Variants in EGFLAM observed in about 807,000 individuals in gnomAD.
The protein encoded by EGFLAM is pikachurin.
A neutral mutation model predicts 113.1 loss-of-function variants in EGFLAM; 79 were observed. That is an observed-to-expected ratio of 0.70 (90% CI 0.58 to 0.84). The LOEUF (loss-of-function observed/expected upper bound fraction) is 0.84, where lower values mean the gene tolerates loss of function less well. Ranked by LOEUF, EGFLAM falls within the 40% of genes least tolerant of loss-of-function variation. The pLI is 0.00. For missense variants in EGFLAM, 1,265 were observed against 1,291.6 expected (o/e 0.98, Z 0.32); for synonymous variants, 504 against 487.6 (o/e 1.03, Z -0.44).
chr5:38,381,457 G>C (rs1332216159), intron 6 of EGFLAM, among the ~76,000 whole-genome samples: 1 of 152,170 alleles, frequency 6.6e-6, no homozygotes, highest in African/African-American at 2.4e-5. Context: ...AAATATAAAT[G>C]AGAAGCAACT....
intron 6 of EGFLAM, among the ~76,000 whole-genome samples, chr5:38,377,117 G>A (rs1256963051): frequency 1.4e-5 from 2 of 145,812 alleles, no homozygotes; most frequent in Non-Finnish European, 3.0e-5. Flanking sequence ...CTTGTTCAAC[G>A]TTGTGTTCTC....
Position 38,412,553 on chromosome 5 carries a change from A to G in EGFLAM, c.1399A>G (p.Lys467Glu). ...CATCATCGTAAGTGAGACCAAAATCAAACTAGGGGGTTGGCACACGGTTAT... is the reference window on the plus strand; with the variant it reads ...CATCATCGTAAGTGAGACCAAAATCGAACTAGGGGGTTGGCACACGGTTAT... ...VAIIVSETKI[K>E]LGGWHTVMLY... The change falls in exon 11 of 22, where the codon AAA becomes GAA. Residue 467 changes from lysine (K) to glutamate (E), a missense_variant. Transcript: ENST00000322350. The G allele has an allele frequency of 6.2e-7, 1 of 1,614,170 alleles. No individual in the cohort carries two copies. Among genetic ancestry groups the G allele is most frequent in the Non-Finnish European group, 8.5e-7 (1 of 1,180,032 alleles).
intron 1 of EGFLAM, among the ~76,000 whole-genome samples, chr5:38,331,954 C>T (rs546034002): frequency 6.6e-6 from 1 of 152,184 alleles, no homozygotes; most frequent in Non-Finnish European, 1.5e-5. Context: ...AACGAGTGCA[C>T]ATGCCAGTGG....
intron 13 of EGFLAM, among the ~76,000 whole-genome samples, chr5:38,426,523 T>C (rs1248153558): frequency 6.6e-6 from 1 of 152,206 alleles, no homozygotes; most frequent in Non-Finnish European, 1.5e-5. Flanking sequence ...TCAAATCTCA[T>C]GTCACCTAAA....
intron 18 of EGFLAM, 22 bp downstream of exon 18, chr5:38,448,401 C>T (rs1234654918): frequency 7.4e-6 from 12 of 1,611,576 alleles, no homozygotes; most frequent in South Asian, 2.2e-5. Context: ...CAACAGGCAC[C>T]TTCCTCAGCT....
At chr5:38,266,149 C>G (rs1180904999) in intron 1 of EGFLAM, among the ~76,000 whole-genome samples, 5 of 152,130 alleles carry the variant, frequency 3.3e-5, no homozygotes, top group Non-Finnish European at 5.9e-5. Context: ...ACATTTTCCC[C>G]CCTTACCTCC....
At chr5:38,463,715 A>G in intron 21 of EGFLAM, 117 bp from the exon 22 acceptor site, 1 of 1,276,320 alleles carries the variant, frequency 7.8e-7, no homozygotes. Flanking sequence ...CACATGTCCC[A>G]TGAATCAAGG....
chr5:38,451,008 G>A (rs1027872711), intron 18 of EGFLAM, among the ~76,000 whole-genome samples: 36 of 152,188 alleles, frequency 2.4e-4, no homozygotes, highest in Admixed American at 2.3e-3. Context: ...AGTAAAACAG[G>A]AAAGAGAAAA....
chr5:38,397,695 CT>C (rs1481072464), intron 6 of EGFLAM, among the ~76,000 whole-genome samples: 2 of 152,182 alleles, frequency 1.3e-5, no homozygotes, highest in Non-Finnish European at 2.9e-5. Flanking sequence ...TCACAAGCAC[CT>C]TCACTGCCTA....
At chr5:38,369,279 A>C in intron 5 of EGFLAM, among the ~76,000 whole-genome samples, 1 of 152,218 alleles carries the variant, frequency 6.6e-6, no homozygotes, top group East Asian at 1.9e-4. Context: ...CATATAACCC[A>C]TATAAAAACT....
intron 6 of EGFLAM, among the ~76,000 whole-genome samples, chr5:38,374,798 C>T (rs1034916626): frequency 6.6e-6 from 1 of 152,176 alleles, no homozygotes; most frequent in Non-Finnish European, 1.5e-5. Context: ...AAGGTTAGTT[C>T]GGCCTACGCC....
rs113400125 is a variant in EGFLAM, at chr5:38,406,149, C to T, written c.736C>T (p.Arg246Cys). The T allele has an allele frequency of 0.023, 37,314 of 1,613,908 alleles. 520 individuals carry two copies. The highest frequency in any genetic ancestry group is 0.027 in the Non-Finnish European group (31,821 of 1,179,898). ...TLCPEEAGSG[R>C]YGPRYITDMG... ...AGGCCCTGAGGAGGCGGGAAGTGGCCGCTATGGACCCCGTTATATCACCGA... is the reference window on the plus strand; with the variant it reads ...AGGCCCTGAGGAGGCGGGAAGTGGCTGCTATGGACCCCGTTATATCACCGA... The change falls in exon 7 of 22, where the codon CGC becomes TGC. Residue 246 changes from arginine (R) to cysteine (C), a missense_variant. By Grantham distance (180) the Arg-to-Cys change is radical. Coordinates refer to ENST00000322350, the MANE Select transcript of EGFLAM (RefSeq NM_152403.4).
At chr5:38,263,954 T>C (rs942169326) in intron 1 of EGFLAM, among the ~76,000 whole-genome samples, 5 of 152,176 alleles carry the variant, frequency 3.3e-5, no homozygotes, top group African/African-American at 1.2e-4. Context: ...CTACAGTGGC[T>C]GTGCCATTAA....
chr5:38,349,277 T>C (rs1316672860), intron 3 of EGFLAM, among the ~76,000 whole-genome samples: 1 of 152,112 alleles, frequency 6.6e-6, no homozygotes, highest in Admixed American at 6.6e-5. Flanking sequence ...TAGGGTAAGA[T>C]CACCAGACCT....
chr5:38,345,410 G>A (rs1394233429), intron 3 of EGFLAM: 2 of 152,260 alleles, frequency 1.3e-5, no homozygotes, highest in African/African-American at 2.4e-5. Flanking sequence ...AGTCGCCTGA[G>A]CTTTCTCACC....
Position 38,456,958 on chromosome 5 carries a change from G to A in EGFLAM, c.2688-1353G>A, listed in dbSNP as rs115411214. Among the ~76,000 whole-genome samples, 474 of 152,252 alleles carry A rather than the reference G, an allele frequency of 3.1e-3. 2 individuals carry two copies. Among genetic ancestry groups the A allele is most frequent in the African/African-American group, 0.011 (449 of 41,556 alleles). ...AGTAGTCACTCACTAAATATTTGTC[G>A]AATTAAATTTAATTAGAATAATTGA... On this transcript the variant is annotated intron_variant, in intron 19 of 21. Transcript: ENST00000322350.
intron 5 of EGFLAM, among the ~76,000 whole-genome samples, chr5:38,359,989 ACCTG>A (rs2112009318): frequency 6.6e-6 from 1 of 152,220 alleles, no homozygotes; most frequent in East Asian, 1.9e-4. Flanking sequence ...AGGTCATGCA[ACCTG>A]GGTGGGTTTT....
At chr5:38,341,914 GTT>G (rs11296362) in intron 3 of EGFLAM, among the ~76,000 whole-genome samples, 11 of 142,710 alleles carry the variant, frequency 7.7e-5, no homozygotes, top group African/African-American at 1.3e-4. Flanking sequence ...ACTCATGCAA[GTT>G]TTTTTTTTTT....
chr5:38,330,210 T>A (rs1257768434), intron 1 of EGFLAM, among the ~76,000 whole-genome samples: 2 of 142,076 alleles, frequency 1.4e-5, no homozygotes. Context: ...GCCAATATTC[T>A]GGATGTCAAT....
Sources: gnomAD v4.1 joint callset for allele counts (sites outside exome capture counted in the v4.1 genomes callset) on GRCh38, gnomAD v4.1.1 for gene constraint, MANE v1.5 for transcripts, NCBI Gene and HGNC (gene_info 2026-07-23, HGNC 2026-07-21) for gene names.